Variants in TRPM3 observed in about 807,000 individuals in gnomAD.
The protein encoded by TRPM3 is transient receptor potential cation channel subfamily M member 3, also known as long transient receptor potential channel 3.
A neutral mutation model predicts 181.2 loss-of-function variants in TRPM3; 77 were observed. The observed-to-expected ratio is 0.42, with a 90% CI of 0.35 to 0.51. The LOEUF is 0.51. TRPM3 is among the 20% of genes least tolerant of loss of function. TRPM3 has a pLI of 0.01. For missense variants in TRPM3, 1,759 were observed against 2,196.7 expected, an observed-to-expected ratio of 0.80 and a Z score of 3.98; for synonymous variants, 745 against 796.4, an observed-to-expected ratio of 0.94 and a Z score of 1.09.
At chr9:71,435,139 A>G (rs1303407872) in intron 1 of TRPM3, among the ~76,000 whole-genome samples, 3 of 152,196 alleles carry the variant, frequency 2.0e-5, no homozygotes, top group Non-Finnish European at 2.9e-5. Flanking sequence ...CATGAGTACA[A>G]TCCATTGGTT....
At chr9:70,700,905 T>C (rs374421352) in intron 8 of TRPM3, among the ~76,000 whole-genome samples, 4 of 152,224 alleles carry the variant, frequency 2.6e-5, no homozygotes, top group East Asian at 3.9e-4. Context: ...GGTATGATTT[T>C]ACTGTAGAGG....
At chr9:70,881,128 C>T (rs1255422593) in intron 1 of TRPM3, among the ~76,000 whole-genome samples, 1 of 151,972 alleles carries the variant, frequency 6.6e-6, no homozygotes, top group African/African-American at 2.4e-5. Flanking sequence ...TTTTCAGGTA[C>T]ATGTGATAAT....
chr9:71,269,020 G>A (rs182503542), intron 1 of TRPM3, among the ~76,000 whole-genome samples: 71 of 152,108 alleles, frequency 4.7e-4, no homozygotes, highest in Non-Finnish European at 4.4e-4. Context: ...ACTTAAGGAT[G>A]AATGAAAGCA....
chr9:71,334,018 C>T (rs969951205), intron 1 of TRPM3, among the ~76,000 whole-genome samples: 5 of 151,686 alleles, frequency 3.3e-5, no homozygotes, highest in South Asian at 4.1e-4. Flanking sequence ...AGATGATGAC[C>T]GAAAGTGAGC....
At position 71,076,098 on chromosome 9, in the gene TRPM3, GGGA is replaced by G. The variant is rs143770436; in HGVS notation, c.177+45077_177+45079del. Among the ~76,000 whole-genome samples the G allele has an allele frequency of 4.5e-3, 692 of 152,268 alleles. 15 individuals are homozygous for G. The East Asian group carries it at 0.077, about 17-fold the overall frequency. On this transcript the variant is annotated intron_variant, in intron 1 of 25. Transcript: ENST00000677713. ...AATGAAGAATGATTAGAATGTGCGG[GGGA>G]GGGGGAACAAAAAGACATAACTAGT...
chr9:71,027,164 C>T (rs1478099668), intron 1 of TRPM3, among the ~76,000 whole-genome samples: 1 of 152,186 alleles, frequency 6.6e-6, no homozygotes, highest in East Asian at 1.9e-4. Context: ...GGCCCAATAT[C>T]AGTCCCCCAG....
chr9:71,050,236 G>A (rs1373962568), intron 1 of TRPM3, among the ~76,000 whole-genome samples: 3 of 152,140 alleles, frequency 2.0e-5, no homozygotes, highest in Non-Finnish European at 4.4e-5. Context: ...ATATGATGCT[G>A]GGGATGGAGG....
intron 1 of TRPM3, among the ~76,000 whole-genome samples, chr9:70,921,448 GC>G (rs1564764733): frequency 1.3e-5 from 2 of 152,180 alleles, no homozygotes; most frequent in African/African-American, 4.8e-5. Flanking sequence ...ACAAACTAGT[GC>G]TATTAGCATT....
chr9:70,880,457 G>A (rs991837378), intron 1 of TRPM3, among the ~76,000 whole-genome samples: 1 of 151,922 alleles, frequency 6.6e-6, no homozygotes, highest in Non-Finnish European at 1.5e-5. Context: ...TTAAATGATG[G>A]TCCTTGCTAG....
At position 70,792,910 on chromosome 9, in the gene TRPM3, T is replaced by C. The variant is rs1273197973; in HGVS notation, c.974-8631A>G. Among the ~76,000 whole-genome samples, 7 of 152,322 alleles carry C rather than the reference T, an allele frequency of 4.6e-5. No individual in the cohort carries two copies. In the South Asian group the frequency reaches 1.0e-3, roughly 23 times the overall value. On this transcript the variant is annotated intron_variant, in intron 6 of 25. Coordinates refer to ENST00000677713, the MANE Select transcript of TRPM3 (RefSeq NM_001366145.2). ...GAAAAAAATTCTACTCAATTTTGTA[T>C]AATTAAAATTCAAAATACAACTGAA...
intron 22 of TRPM3, among the ~76,000 whole-genome samples, chr9:70,564,645 C>G (rs1389057564): frequency 6.6e-6 from 1 of 152,186 alleles, no homozygotes; most frequent in Non-Finnish European, 1.5e-5. Context: ...TATCAGGGCT[C>G]TCTGTGCCTG....
intron 1 of TRPM3, among the ~76,000 whole-genome samples, chr9:71,214,566 C>A (rs2079726248): frequency 6.6e-6 from 1 of 152,128 alleles, no homozygotes; most frequent in African/African-American, 2.4e-5. Flanking sequence ...TCTATGATGG[C>A]TCCATTCATC....
chr9:71,311,079 C>G (rs558603877), intron 1 of TRPM3, among the ~76,000 whole-genome samples: 1 of 151,920 alleles, frequency 6.6e-6, no homozygotes, highest in Admixed American at 6.6e-5. Context: ...TCTCTTCTAC[C>G]TTATATACTT....
chr9:71,181,929 A>G (rs6560183), intron 1 of TRPM3, among the ~76,000 whole-genome samples: 65,868 of 151,896 alleles, frequency 0.43, 14,623 homozygotes, highest in East Asian at 0.52. Flanking sequence ...TGGGCCACTC[A>G]ATAAATGCAG....
At chr9:71,214,424 G>A (rs904978214) in intron 1 of TRPM3, among the ~76,000 whole-genome samples, 19 of 152,128 alleles carry the variant, frequency 1.2e-4, no homozygotes, top group Middle Eastern at 6.8e-3. Flanking sequence ...GAAAACATAC[G>A]CCCACACAAA....
intron 1 of TRPM3, among the ~76,000 whole-genome samples, chr9:70,953,658 T>C (rs553355535): frequency 1.3e-5 from 2 of 152,300 alleles, no homozygotes; most frequent in South Asian, 4.1e-4. Flanking sequence ...GGTTCTAAAC[T>C]GACTATCCCT....
At chr9:71,174,673 T>C (rs1313772349) in intron 1 of TRPM3, among the ~76,000 whole-genome samples, 1 of 152,028 alleles carries the variant, frequency 6.6e-6, no homozygotes, top group East Asian at 1.9e-4. Flanking sequence ...GTGTAAACCA[T>C]GAAAAACTTT....
intron 22 of TRPM3, among the ~76,000 whole-genome samples, chr9:70,585,610 A>G (rs2056961391): frequency 6.6e-6 from 1 of 152,120 alleles, no homozygotes; most frequent in Non-Finnish European, 1.5e-5. Context: ...ACCTTGGCGT[A>G]ATCTCCAGCT....
intron 1 of TRPM3, among the ~76,000 whole-genome samples, chr9:70,928,853 A>G (rs2096747121): frequency 1.3e-5 from 2 of 152,300 alleles, no homozygotes; most frequent in South Asian, 2.1e-4. Context: ...TGTGCTGACA[A>G]TTAGCCACCA....
Sources: gnomAD v4.1 joint callset for allele counts (sites outside exome capture counted in the v4.1 genomes callset) on GRCh38, gnomAD v4.1.1 for gene constraint, MANE v1.5 for transcripts, NCBI Gene and HGNC (gene_info 2026-07-23, HGNC 2026-07-21) for gene names.